Variants in SGCD observed in about 807,000 individuals in gnomAD.
SGCD encodes sarcoglycan delta, also known as delta-sarcoglycan.
In SGCD, 18 loss-of-function variants were observed where a neutral mutation model predicts 36.6. The observed-to-expected ratio is 0.49, with a 90% CI of 0.34 to 0.73. The LOEUF is 0.73. Ranked by LOEUF, SGCD falls within the 30% of genes least tolerant of loss-of-function variation. SGCD has a pLI of 0.01. For synonymous variants in SGCD, 133 were observed against 130.6 expected, an observed-to-expected ratio of 1.02 and a Z score of -0.12; for missense variants, 387 against 346.7, an observed-to-expected ratio of 1.12 and a Z score of -0.92.
intron 1 of SGCD, among the ~76,000 whole-genome samples, chr5:156,039,882 C>G (rs1362769929): frequency 1.3e-5 from 2 of 152,138 alleles, no homozygotes; most frequent in East Asian, 3.9e-4. Context: ...CTAAACTGCT[C>G]TAGAAATGAA....
intron 3 of SGCD, among the ~76,000 whole-genome samples, chr5:156,195,077 A>T (rs930767957): frequency 1.3e-5 from 2 of 152,154 alleles, no homozygotes; most frequent in Admixed American, 6.6e-5. Context: ...TATGTTCTTT[A>T]GGATGTATTT....
chr5:155,992,459 C>T (rs544077055), intron 1 of SGCD, among the ~76,000 whole-genome samples: 19 of 152,164 alleles, frequency 1.2e-4, no homozygotes, highest in African/African-American at 4.6e-4. Flanking sequence ...AATGAGAACC[C>T]TTCCTGCAAG....
chr5:156,756,777 A>G (rs916657677), intron 7 of SGCD, among the ~76,000 whole-genome samples: 15 of 152,148 alleles, frequency 9.9e-5, no homozygotes, highest in Non-Finnish European at 1.8e-4. Context: ...CACCACTGCA[A>G]TCAAGTTCCG....
intron 7 of SGCD, among the ~76,000 whole-genome samples, chr5:156,693,606 C>T (rs1049639599): frequency 6.6e-6 from 1 of 152,036 alleles, no homozygotes; most frequent in Non-Finnish European, 1.5e-5. Context: ...TACATCTGTT[C>T]AACATAGTGT....
chr5:156,015,163 A>G (rs1031364412), intron 1 of SGCD, among the ~76,000 whole-genome samples: 2 of 152,136 alleles, frequency 1.3e-5, no homozygotes, highest in African/African-American at 4.8e-5. Context: ...ACTCCTCTGT[A>G]CCTTCCACAT....
rs368961516 is a variant in SGCD, at chr5:156,668,525, GATAT to G, written c.575+20992_575+20995del. Among the ~76,000 whole-genome samples the G allele has an allele frequency of 5.9e-5, 9 of 152,216 alleles. No individual in the cohort carries two copies. In the East Asian group the frequency reaches 1.7e-3, roughly 29 times the overall value. On this transcript the variant is annotated intron_variant, in intron 7 of 8. Transcript: ENST00000337851. The stretch of plus-strand genomic sequence containing the variant: ...TTGAGCCATTTCCATCTTCTCCCTT[GATAT>G]ATTTATCTAAAACTCTTTTACAAAT...
intron 4 of SGCD, among the ~76,000 whole-genome samples, chr5:156,536,063 A>G (rs1055539333): frequency 6.6e-6 from 1 of 152,180 alleles, no homozygotes; most frequent in Non-Finnish European, 1.5e-5. Flanking sequence ...TATCACTTTG[A>G]TAATGGGGAT....
chr5:156,567,641 T>C (rs1581179823), intron 4 of SGCD, among the ~76,000 whole-genome samples: 1 of 152,142 alleles, frequency 6.6e-6, no homozygotes, highest in East Asian at 1.9e-4. Context: ...AGCAATCTGC[T>C]TTACCCAGAG....
intron 4 of SGCD, among the ~76,000 whole-genome samples, chr5:156,580,703 C>G (rs1005499577): frequency 1.3e-5 from 2 of 152,152 alleles, no homozygotes; most frequent in African/African-American, 4.8e-5. Context: ...GCTATTGAAG[C>G]TTGTGCATGC....
At chr5:156,054,355 G>A (rs567205892) in intron 1 of SGCD, among the ~76,000 whole-genome samples, 2 of 138,262 alleles carry the variant, frequency 1.4e-5, no homozygotes, top group African/African-American at 5.3e-5. Context: ...GCGCGATCTC[G>A]GCTCACGGCA....
intron 1 of SGCD, among the ~76,000 whole-genome samples, chr5:155,978,355 G>A (rs371661821): frequency 5.9e-5 from 9 of 152,232 alleles, no homozygotes; most frequent in African/African-American, 2.2e-4. Context: ...CCTGTGGTTG[G>A]AGTGGGACAG....
chr5:155,926,767 A>T (rs1317589796), intron 1 of SGCD, among the ~76,000 whole-genome samples: 2 of 152,200 alleles, frequency 1.3e-5, no homozygotes, highest in Non-Finnish European at 2.9e-5. Context: ...GCCTACCAAA[A>T]TTTTGTTTTT....
intron 1 of SGCD, among the ~76,000 whole-genome samples, chr5:155,924,159 A>G (rs1439933051): frequency 1.3e-5 from 2 of 152,212 alleles, no homozygotes; most frequent in African/African-American, 2.4e-5. Context: ...TAGAAAGAAA[A>G]CATAGTTGAA....
At chr5:155,893,657 C>A (rs1756184791) in intron 1 of SGCD, among the ~76,000 whole-genome samples, 1 of 152,284 alleles carries the variant, frequency 6.6e-6, no homozygotes, top group East Asian at 1.9e-4. Context: ...CTTTAGTTTT[C>A]TTTATTAATA....
chr5:155,728,483 G>C, the SGCD span, among the ~76,000 whole-genome samples: 2 of 152,216 alleles, frequency 1.3e-5, no homozygotes, highest in Non-Finnish European at 2.9e-5. Flanking sequence ...GAAGCGAGCT[G>C]GGCTGTGAGC....
intron 7 of SGCD, among the ~76,000 whole-genome samples, chr5:156,682,362 T>C (rs926047205): frequency 2.6e-5 from 4 of 152,238 alleles, no homozygotes; most frequent in Non-Finnish European, 4.4e-5. Flanking sequence ...AATAAGATTC[T>C]GGAAGGCATG....
At chr5:155,749,633 A>G in the SGCD span, among the ~76,000 whole-genome samples, 1 of 152,206 alleles carries the variant, frequency 6.6e-6, no homozygotes, top group African/African-American at 2.4e-5. Context: ...GGGGGCAGCC[A>G]AAAAGGGAAG....
At chr5:156,673,903 CTG>C (rs1328118460) in intron 7 of SGCD, among the ~76,000 whole-genome samples, 1 of 152,162 alleles carries the variant, frequency 6.6e-6, no homozygotes, top group African/African-American at 2.4e-5. Flanking sequence ...AGAATATTGA[CTG>C]TGTACTGATT....
chr5:156,057,112 G>A (rs1424635052), intron 1 of SGCD, among the ~76,000 whole-genome samples: 2 of 146,586 alleles, frequency 1.4e-5, no homozygotes, highest in Non-Finnish European at 3.1e-5. Flanking sequence ...TGTCAAAAAT[G>A]AAACTGTAGA....
Sources: gnomAD v4.1 joint callset for allele counts (sites outside exome capture counted in the v4.1 genomes callset) on GRCh38, gnomAD v4.1.1 for gene constraint, MANE v1.5 for transcripts, NCBI Gene and HGNC (gene_info 2026-07-23, HGNC 2026-07-21) for gene names.